The following GALNTL6 variants were observed in gnomAD, a reference collection of about 807,000 sequenced individuals.
GALNTL6 encodes the protein polypeptide N-acetylgalactosaminyltransferase-like 6.
Under a neutral mutation model 73.7 loss-of-function variants are expected in GALNTL6, and 46 were observed. The observed-to-expected ratio is 0.62, with a 90% CI of 0.49 to 0.80. The LOEUF (loss-of-function observed/expected upper bound fraction) is 0.80. Among genes scored for constraint, GALNTL6 ranks in the 30% least tolerant of loss-of-function variants. The pLI, the probability that GALNTL6 is intolerant of heterozygous loss-of-function variation, is 0.00. For synonymous variants in GALNTL6, 259 were observed against 263.7 expected, an observed-to-expected ratio of 0.98 and a Z score of 0.17; for missense variants, 604 against 755.0, an observed-to-expected ratio of 0.80 and a Z score of 2.34.
intron 5 of GALNTL6, among the ~76,000 whole-genome samples, chr4:172,612,657 G>A (rs1482577975): frequency 1.3e-5 from 2 of 151,962 alleles, no homozygotes; most frequent in African/African-American, 4.8e-5. Flanking sequence ...GAAGAGTCTT[G>A]CACAATTATA....
At chr4:172,213,278 T>A (rs893437771) in intron 2 of GALNTL6, among the ~76,000 whole-genome samples, 1 of 152,142 alleles carries the variant, frequency 6.6e-6, no homozygotes, top group Non-Finnish European at 1.5e-5. Flanking sequence ...TGGACATAAA[T>A]TTTCAAACTA....
intron 2 of GALNTL6, among the ~76,000 whole-genome samples, chr4:172,018,936 ATTTATG>A (rs994636259): frequency 9.2e-5 from 14 of 151,984 alleles, no homozygotes; most frequent in Non-Finnish European, 1.0e-4. Flanking sequence ...CTACTTCTAC[ATTTATG>A]TTTTGTGTGA....
At chr4:172,418,225 G>T (rs1730915407) in intron 5 of GALNTL6, among the ~76,000 whole-genome samples, 1 of 152,056 alleles carries the variant, frequency 6.6e-6, no homozygotes. Flanking sequence ...TAGGTTAAAG[G>T]TTATTTTCAA....
intron 5 of GALNTL6, among the ~76,000 whole-genome samples, chr4:172,533,089 A>T (rs1208806119): frequency 6.9e-6 from 1 of 145,970 alleles, no homozygotes; most frequent in East Asian, 2.0e-4. Flanking sequence ...TCGGCTTACC[A>T]CAACCTCCAC....
intron 10 of GALNTL6, among the ~76,000 whole-genome samples, chr4:172,957,651 T>C (rs1332996600): frequency 6.6e-6 from 1 of 152,202 alleles, no homozygotes; most frequent in Non-Finnish European, 1.5e-5. Context: ...TAAAGAGGCA[T>C]TAATGATAGA....
chr4:172,118,517 T>C (rs1733049670), intron 2 of GALNTL6, among the ~76,000 whole-genome samples: 2 of 152,014 alleles, frequency 1.3e-5, no homozygotes, highest in African/African-American at 2.4e-5. Context: ...CTTACCAACA[T>C]GGTGAAACCC....
chr4:172,625,627 C>T (rs75013823), intron 5 of GALNTL6, among the ~76,000 whole-genome samples: 1 of 152,044 alleles, frequency 6.6e-6, no homozygotes, highest in East Asian at 1.9e-4. Flanking sequence ...GCTAAGCTAA[C>T]TTACATTCCC....
intron 5 of GALNTL6, among the ~76,000 whole-genome samples, chr4:172,349,848 T>A (rs906143702): frequency 2.9e-4 from 43 of 149,934 alleles, no homozygotes; most frequent in East Asian, 1.2e-3. Flanking sequence ...TATATATATT[T>A]TTTTTAAACT....
At chr4:172,143,276 A>G (rs1410131222) in intron 2 of GALNTL6, among the ~76,000 whole-genome samples, 2 of 151,090 alleles carry the variant, frequency 1.3e-5, no homozygotes, top group East Asian at 3.9e-4. Context: ...TATGGGTTTT[A>G]TGTTTATATA....
chr4:171,828,494 G>C (rs933202852), intron 2 of GALNTL6, among the ~76,000 whole-genome samples: 1 of 152,194 alleles, frequency 6.6e-6, no homozygotes, highest in Non-Finnish European at 1.5e-5. Context: ...ACCGTAGATG[G>C]AAGTCCACAG....
At chr4:172,251,838 A>G (rs1737891166) in intron 3 of GALNTL6, among the ~76,000 whole-genome samples, 1 of 152,148 alleles carries the variant, frequency 6.6e-6, no homozygotes, top group Non-Finnish European at 1.5e-5. Context: ...GAGCATCGTG[A>G]AGACACCCCT....
chr4:172,050,288 A>G (rs903122986), intron 2 of GALNTL6, among the ~76,000 whole-genome samples: 3 of 152,162 alleles, frequency 2.0e-5, no homozygotes, highest in Admixed American at 6.6e-5. Context: ...AACTTCCCCA[A>G]TGGCTTGAAG....
chr4:171,936,028 A>G (rs1738335227), intron 2 of GALNTL6, among the ~76,000 whole-genome samples: 1 of 152,214 alleles, frequency 6.6e-6, no homozygotes, highest in Admixed American at 6.5e-5. Context: ...ATCTGTGGAT[A>G]ATTCAGCATT....
intron 10 of GALNTL6, among the ~76,000 whole-genome samples, chr4:172,985,538 T>C (rs1413697357): frequency 2.6e-5 from 4 of 152,138 alleles, no homozygotes; most frequent in African/African-American, 9.7e-5. Context: ...GTTTAATACA[T>C]GTAGAGTCAG....
intron 3 of GALNTL6, 97 bp from the exon 4 acceptor site, chr4:172,311,517 C>A: frequency 1.0e-6 from 1 of 960,582 alleles, no homozygotes; most frequent in Non-Finnish European, 1.5e-6. Flanking sequence ...CAGAGCACAG[C>A]AATAGGCGAT....
chr4:172,331,886 C>A, intron 4 of GALNTL6, among the ~76,000 whole-genome samples: 1 of 151,994 alleles, frequency 6.6e-6, no homozygotes, highest in Non-Finnish European at 1.5e-5. Flanking sequence ...GATAAATCCC[C>A]AAAAAAGAGA....
chr4:172,132,979 T>C (rs1045281558), intron 2 of GALNTL6, among the ~76,000 whole-genome samples: 3 of 152,218 alleles, frequency 2.0e-5, no homozygotes, highest in East Asian at 1.9e-4. Flanking sequence ...CTTTAATTCA[T>C]CTAATTTTGT....
intron 12 of GALNTL6, 113 bp from the exon 13 acceptor site, chr4:173,039,820 A>G: frequency 1.2e-6 from 1 of 805,214 alleles, no homozygotes; most frequent in Non-Finnish European, 1.9e-6. Context: ...TTCTATTTAC[A>G]CAATAAATAT....
At chr4:172,772,188 G>A (rs1229682256) in intron 5 of GALNTL6, among the ~76,000 whole-genome samples, 1 of 152,134 alleles carries the variant, frequency 6.6e-6, no homozygotes, top group African/African-American at 2.4e-5. Context: ...GCCTCCCATC[G>A]GGTCCCTCCC....
Sources: allele counts gnomAD v4.1 joint callset (sites outside exome capture counted in the v4.1 genomes callset), GRCh38; gene constraint gnomAD v4.1.1; transcripts MANE v1.5; gene names NCBI Gene and HGNC (gene_info 2026-07-23, HGNC 2026-07-21).